The following ELOVL5 variants were observed in gnomAD, a reference collection of about 807,000 sequenced individuals.
ELOVL5 encodes the protein very long chain fatty acid elongase 5.
A neutral mutation model predicts 38.6 loss-of-function variants in ELOVL5; 8 were observed. The observed-to-expected ratio is 0.21, with a 90% confidence interval of 0.12 to 0.37. ELOVL5 has a LOEUF of 0.37. ELOVL5 is among the 10% of genes least tolerant of loss of function. The pLI is 1.00. For missense variants in ELOVL5, 280 were observed against 367.8 expected (o/e 0.76, Z 1.95); for synonymous variants, 127 against 133.7 (o/e 0.95, Z 0.34).
chr6:53,309,124 A>C (rs1158851290), intron 1 of ELOVL5, among the ~76,000 whole-genome samples: 1 of 152,050 alleles, frequency 6.6e-6, no homozygotes, highest in Admixed American at 6.5e-5. Flanking sequence ...GATCCATAAC[A>C]CCATTACTAC....
intron 1 of ELOVL5, among the ~76,000 whole-genome samples, chr6:53,306,774 T>G (rs920597318): frequency 6.6e-6 from 1 of 152,186 alleles, no homozygotes; most frequent in African/African-American, 2.4e-5. Context: ...TAATTTTCTT[T>G]TGAAACTAGA....
intron 1 of ELOVL5, among the ~76,000 whole-genome samples, chr6:53,338,123 A>C (rs1769161278): frequency 3.9e-5 from 6 of 152,190 alleles, no homozygotes; most frequent in Admixed American, 3.3e-4. Context: ...TGGATATTTG[A>C]ATCCATGGGG....
At chr6:53,322,395 G>A (rs1456092484) in intron 1 of ELOVL5, among the ~76,000 whole-genome samples, 1 of 152,096 alleles carries the variant, frequency 6.6e-6, no homozygotes, top group Non-Finnish European at 1.5e-5. Flanking sequence ...GCCAAATTTG[G>A]TTTATGTTAT....
intron 1 of ELOVL5, among the ~76,000 whole-genome samples, chr6:53,322,885 A>G (rs9474485): frequency 0.12 from 18,078 of 152,268 alleles, 1,182 homozygotes; most frequent in African/African-American, 0.15. Context: ...TTATGAAACC[A>G]TAATATTCTT....
chr6:53,300,486 T>C (rs1767207189), intron 1 of ELOVL5, among the ~76,000 whole-genome samples: 2 of 151,426 alleles, frequency 1.3e-5, no homozygotes, highest in Admixed American at 6.6e-5. Context: ...TAAAGCAGAA[T>C]AAAGGGGCTG....
chr6:53,293,231 G>A (rs1766843269), intron 2 of ELOVL5, among the ~76,000 whole-genome samples: 1 of 152,180 alleles, frequency 6.6e-6, no homozygotes, highest in South Asian at 2.1e-4. Flanking sequence ...CAGAACATGA[G>A]GCACATGCAG....
At chr6:53,295,063 CTG>C (rs1324931792) in intron 2 of ELOVL5, among the ~76,000 whole-genome samples, 1 of 152,172 alleles carries the variant, frequency 6.6e-6, no homozygotes, top group Admixed American at 6.5e-5. Context: ...TCATGAGAAA[CTG>C]AGATTCTTTT....
chr6:53,291,416 A>G (rs1766770475), intron 3 of ELOVL5, among the ~76,000 whole-genome samples: 1 of 152,170 alleles, frequency 6.6e-6, no homozygotes, highest in Non-Finnish European at 1.5e-5. Flanking sequence ...CACTTATTAG[A>G]TGCTTAATAA....
chr6:53,286,626 A>G (rs912706976), intron 3 of ELOVL5, among the ~76,000 whole-genome samples: 1 of 152,208 alleles, frequency 6.6e-6, no homozygotes, highest in Non-Finnish European at 1.5e-5. Flanking sequence ...AAACACTTAT[A>G]AAATGGTGTA....
chr6:53,303,981 C>A lies in ELOVL5; in HGVS notation c.-8-8274G>T, dbSNP rs189653952. On this transcript the variant is annotated intron_variant, in intron 1 of 7. Coordinates refer to ENST00000304434, the MANE Select transcript of ELOVL5 (RefSeq NM_021814.5). The stretch of plus-strand genomic sequence containing the variant: ...AGCCTACTTCCACTCCACTGCCCCT[C>A]TTGTTGCTGTCTAGACAACTCATTT... Among the ~76,000 whole-genome samples, 7 of 152,330 alleles carry A rather than the reference C, an allele frequency of 4.6e-5. No individual in the cohort carries two copies. In the East Asian group the frequency reaches 1.3e-3, roughly 29 times the overall value.
chr6:53,348,756 G>C, intron 1 of ELOVL5, 61 bp downstream of exon 1: 1 of 450,346 alleles, frequency 2.2e-6, no homozygotes, highest in South Asian at 1.6e-5. Context: ...CCGCGCGCTC[G>C]CGCGGGTGTC....
chr6:53,320,461 G>A (rs182006476), intron 1 of ELOVL5, among the ~76,000 whole-genome samples: 32 of 151,854 alleles, frequency 2.1e-4, no homozygotes, highest in East Asian at 3.9e-4. Flanking sequence ...CTCAGCCTCC[G>A]AGTAGCTGGG....
chr6:53,298,247 A>G (rs1299555952), intron 1 of ELOVL5, among the ~76,000 whole-genome samples: 1 of 152,230 alleles, frequency 6.6e-6, no homozygotes, highest in African/African-American at 2.4e-5. Flanking sequence ...GAAAGGAAAT[A>G]AGGAGGAACA....
intron 1 of ELOVL5, among the ~76,000 whole-genome samples, chr6:53,344,130 CA>C (rs1292258994): frequency 6.6e-6 from 1 of 152,010 alleles, no homozygotes; most frequent in Non-Finnish European, 1.5e-5. Context: ...GAAAGGCAAC[CA>C]AAAAAATAGC....
intron 1 of ELOVL5, among the ~76,000 whole-genome samples, chr6:53,341,878 T>C (rs1241637514): frequency 6.6e-6 from 1 of 152,136 alleles, no homozygotes; most frequent in Non-Finnish European, 1.5e-5. Context: ...TTTAATACCC[T>C]CCAAAGTAGG....
At chr6:53,283,030 CTTCT>C (rs778782397) in intron 3 of ELOVL5, among the ~76,000 whole-genome samples, 6 of 152,196 alleles carry the variant, frequency 3.9e-5, no homozygotes, top group Non-Finnish European at 7.3e-5. Flanking sequence ...AAATGCTCAA[CTTCT>C]TTCATCTTTC....
intron 1 of ELOVL5, among the ~76,000 whole-genome samples, chr6:53,342,958 A>G (rs1023861445): frequency 5.9e-5 from 9 of 152,226 alleles, no homozygotes; most frequent in Non-Finnish European, 1.2e-4. Flanking sequence ...AATGCCTACA[A>G]GTCCACTAAA....
chr6:53,272,966 G>A (rs1357507734), intron 6 of ELOVL5, among the ~76,000 whole-genome samples: 1 of 152,170 alleles, frequency 6.6e-6, no homozygotes, highest in Non-Finnish European at 1.5e-5. Context: ...ACTCAGAAGA[G>A]CTGAACTTGA....
At chr6:53,312,592 A>C (rs1767888828) in intron 1 of ELOVL5, among the ~76,000 whole-genome samples, 2 of 152,228 alleles carry the variant, frequency 1.3e-5, no homozygotes, top group Non-Finnish European at 2.9e-5. Flanking sequence ...TCTGGACCGT[A>C]CTAATGTCAG....
Sources: gnomAD v4.1 joint callset for allele counts (sites outside exome capture counted in the v4.1 genomes callset) on GRCh38, gnomAD v4.1.1 for gene constraint, MANE v1.5 for transcripts, NCBI Gene and HGNC (gene_info 2026-07-23, HGNC 2026-07-21) for gene names.